TEX26: variants seen among roughly 807,000 people sequenced by gnomAD.
TEX26 encodes the protein testis-expressed protein 26.
A neutral mutation model predicts 35.3 loss-of-function variants in TEX26; 34 were observed. The observed-to-expected ratio is 0.96, with a 90% CI of 0.73 to 1.28. The LOEUF (loss-of-function observed/expected upper bound fraction) is 1.28, where lower values mean the gene tolerates loss of function less well. Ranked by LOEUF, TEX26 falls within the 50% of genes most tolerant of loss-of-function variation. The probability of loss-of-function intolerance (pLI) is 0.00; values close to 1 mark genes in which losing one functional copy is unlikely to be tolerated. For synonymous variants in TEX26, 136 were observed against 111.8 expected, an observed-to-expected ratio of 1.22 and a Z score of -1.36; for missense variants, 371 against 330.1, an observed-to-expected ratio of 1.12 and a Z score of -0.96.
At chr13:30,953,781 T>C (rs997656118) in intron 3 of TEX26, among the ~76,000 whole-genome samples, 6 of 152,230 alleles carry the variant, frequency 3.9e-5, no homozygotes, top group Non-Finnish European at 7.3e-5. Flanking sequence ...TTCTATTCCC[T>C]TCTCCCATCA....
At chr13:30,934,933 A>T (rs7321378) in intron 1 of TEX26, among the ~76,000 whole-genome samples, 52,421 of 152,190 alleles carry the variant, frequency 0.34, 9,072 homozygotes, top group East Asian at 0.45. Flanking sequence ...TGAAGCAGGC[A>T]GGAGCCAGGG....
At chr13:30,947,843 C>T (rs1953769528) in intron 2 of TEX26, among the ~76,000 whole-genome samples, 1 of 152,028 alleles carries the variant, frequency 6.6e-6, no homozygotes, top group African/African-American at 2.4e-5. Flanking sequence ...CACCCATTAA[C>T]TCGTCATTTA....
At position 30,932,749 on chromosome 13, in the gene TEX26, T is replaced by C. The variant is rs1566134037; in HGVS notation, c.34T>C (p.Ser12Pro). 1.2e-6 allele frequency: 2 copies of C among 1,613,806 alleles called. No individual in the cohort carries two copies. The highest frequency in any genetic ancestry group is 8.5e-7 in the Non-Finnish European group (1 of 1,179,958). Residue 12 changes from serine to proline, a missense_variant, in exon 1 of 7, where the codon TCT (serine) becomes CCT (proline). Coordinates refer to ENST00000380473, the MANE Select transcript of TEX26 (RefSeq NM_152325.3). ...GCCTGGGCCCAGGGCTCCGGATCCC[T>C]CTCTCTGCCACCACAACCTCCAGCC... ...EQPGPRAPDPSLCHHNLQPTD... is the reference protein window; with the variant it reads ...EQPGPRAPDPPLCHHNLQPTD...
chr13:30,964,003 A>G (rs1954440714), intron 4 of TEX26, among the ~76,000 whole-genome samples: 1 of 152,094 alleles, frequency 6.6e-6, no homozygotes, highest in Non-Finnish European at 1.5e-5. Context: ...CCTGCCCTGC[A>G]TGCCCCACCC....
chr13:30,947,715 AT>A (rs1338275689), intron 2 of TEX26, among the ~76,000 whole-genome samples: 1 of 152,254 alleles, frequency 6.6e-6, no homozygotes, highest in Admixed American at 6.5e-5. Context: ...CGAAACACTA[AT>A]TTTAATAAAT....
At chr13:30,961,880 G>A (rs1188121201) in intron 4 of TEX26, among the ~76,000 whole-genome samples, 2 of 152,046 alleles carry the variant, frequency 1.3e-5, no homozygotes, top group African/African-American at 4.8e-5. Context: ...CTTCTCTCTG[G>A]TGATTTTTCT....
intron 1 of TEX26, among the ~76,000 whole-genome samples, chr13:30,934,894 A>C (rs2138153149): frequency 6.6e-6 from 1 of 152,282 alleles, no homozygotes; most frequent in East Asian, 1.9e-4. Flanking sequence ...TGTGGAACCC[A>C]CGGCTGCAGA....
chr13:30,938,438 A>G (rs1438600615), intron 1 of TEX26, among the ~76,000 whole-genome samples: 2 of 152,140 alleles, frequency 1.3e-5, no homozygotes, highest in Non-Finnish European at 2.9e-5. Context: ...GCATTGGGTG[A>G]GGGCCTATTA....
Position 30,932,751 on chromosome 13 carries a change from T to A in TEX26, c.36T>A (p.Ser12=), listed in dbSNP as rs1768931853. The A allele has an allele frequency of 6.2e-7, 1 of 1,613,880 alleles. No homozygotes were observed. Among genetic ancestry groups the A allele is most frequent in the Non-Finnish European group, 8.5e-7 (1 of 1,179,980 alleles). ...CTGGGCCCAGGGCTCCGGATCCCTC[T>A]CTCTGCCACCACAACCTCCAGCCAA... ...EQPGPRAPDP[S]LCHHNLQPTD... Residue 12 remains serine (S), a synonymous_variant, in exon 1 of 7, where the codon TCT becomes TCA. Coordinates refer to ENST00000380473, the MANE Select transcript of TEX26 (RefSeq NM_152325.3).
intron 6 of TEX26, among the ~76,000 whole-genome samples, chr13:30,970,757 C>T (rs141013963): frequency 6.6e-6 from 1 of 152,246 alleles, no homozygotes; most frequent in Non-Finnish European, 1.5e-5. Context: ...GTGTCAGGTG[C>T]AATCCAACCT....
intron 3 of TEX26, among the ~76,000 whole-genome samples, chr13:30,953,618 T>A (rs368868548): frequency 9.2e-5 from 14 of 152,340 alleles, no homozygotes; most frequent in African/African-American, 3.1e-4. Flanking sequence ...CTCCATTTTT[T>A]AAATCATTCT....
intron 4 of TEX26, among the ~76,000 whole-genome samples, chr13:30,959,266 C>T (rs558121386): frequency 8.5e-5 from 13 of 152,200 alleles, no homozygotes; most frequent in Non-Finnish European, 1.8e-4. Context: ...ACCTACCCCG[C>T]CCCATCCCTA....
chr13:30,943,999 T>C (rs1228868085), intron 2 of TEX26, among the ~76,000 whole-genome samples: 1 of 152,066 alleles, frequency 6.6e-6, no homozygotes, highest in African/African-American at 2.4e-5. Context: ...TCCCTCTTTC[T>C]CAATCTTTTG....
chr13:30,967,274 C>T (rs891092593), intron 5 of TEX26, among the ~76,000 whole-genome samples: 5 of 152,062 alleles, frequency 3.3e-5, no homozygotes, highest in Non-Finnish European at 2.9e-5. Context: ...ATGCTTAGCA[C>T]CTTGGGGTTA....
chr13:30,967,716 T>G (rs538561087), intron 5 of TEX26, among the ~76,000 whole-genome samples: 11 of 152,224 alleles, frequency 7.2e-5, no homozygotes, highest in Non-Finnish European at 1.6e-4. Flanking sequence ...TTGGGTAGGT[T>G]GTGAAAATTT....
chr13:30,939,627 G>T (rs907084953), intron 1 of TEX26, 67 bp from the exon 2 acceptor site: 1 of 1,398,088 alleles, frequency 7.2e-7, no homozygotes. Context: ...TATCTTAATT[G>T]TTAAAACAAC....
At chr13:30,939,370 A>G (rs1953391449) in intron 1 of TEX26, among the ~76,000 whole-genome samples, 2 of 152,256 alleles carry the variant, frequency 1.3e-5, no homozygotes, top group Non-Finnish European at 2.9e-5. Flanking sequence ...TGACTAAAAC[A>G]TAATAGTAGG....
intron 4 of TEX26, among the ~76,000 whole-genome samples, chr13:30,961,639 G>A (rs533747345): frequency 1.3e-5 from 2 of 152,280 alleles, no homozygotes; most frequent in South Asian, 4.1e-4. Flanking sequence ...GAGTTTAATG[G>A]GAAGCTTGCC....
Position 30,932,692 on chromosome 13 carries a change from C to G in TEX26, c.-24C>G. On this transcript the variant is annotated 5_prime_UTR_variant, in exon 1 of 7. Coordinates refer to ENST00000380473, the MANE Select transcript of TEX26 (RefSeq NM_152325.3). ...GCGCTGAGATAGCTGGAGCCAGGGC[C>G]CCGCGGCCGCCTCCTGGGGCAGAAT... is the stretch of plus-strand genomic sequence containing the variant. 1 of 1,609,780 alleles carries G rather than the reference C, an allele frequency of 6.2e-7. No homozygotes were observed. Among genetic ancestry groups the G allele is most frequent in the African/African-American group, 1.3e-5 (1 of 75,006 alleles).
Sources: gnomAD v4.1 joint callset for allele counts (sites outside exome capture counted in the v4.1 genomes callset) on GRCh38, gnomAD v4.1.1 for gene constraint, MANE v1.5 for transcripts, NCBI Gene and HGNC (gene_info 2026-07-23, HGNC 2026-07-21) for gene names.